The following CNGA3 variants were observed in gnomAD, a reference collection of about 807,000 sequenced individuals.
The protein encoded by CNGA3 is cyclic nucleotide gated channel subunit alpha 3.
Under a neutral mutation model 46.6 loss-of-function variants are expected in CNGA3, and 42 were observed. The ratio of observed to expected loss-of-function variants is 0.90; its 90% CI spans 0.70 to 1.17. The LOEUF (loss-of-function observed/expected upper bound fraction) is 1.17. CNGA3 is among the 50% of genes most tolerant of loss of function. The probability of loss-of-function intolerance (pLI) is 0.00; values close to 1 mark genes in which losing one functional copy is unlikely to be tolerated. For missense variants in CNGA3, 893 were observed against 890.7 expected (o/e 1.00, Z -0.03); for synonymous variants, 394 against 369.4 (o/e 1.07, Z -0.76).
chr2:98,347,486 C>T (rs1691661380), intron 1 of CNGA3, among the ~76,000 whole-genome samples: 2 of 152,218 alleles, frequency 1.3e-5, no homozygotes, highest in Admixed American at 6.5e-5. Context: ...CCTGTGTAAT[C>T]TCCCTACTGA....
Position 98,346,529 on chromosome 2 carries a change from G to A in CNGA3, c.-43G>A, listed in dbSNP as rs886056488. On this transcript the variant is annotated 5_prime_UTR_variant, in exon 1 of 8. Coordinates refer to ENST00000272602, the MANE Select transcript of CNGA3 (RefSeq NM_001298.3). ...CGCGCCGCGGAGAAGCTCAAACTTT[G>A]GCAGGGTAAGGATTTTTAGGGGCTC... 5.0e-6 allele frequency: 2 copies of A among 398,184 alleles called. No individual in the cohort carries two copies. Among genetic ancestry groups the A allele is most frequent in the East Asian group, 3.6e-5 (1 of 28,020 alleles). The allele number at this position is 398,184 out of a possible 1,614,324, so 24.7% of individuals were successfully genotyped here.
chr2:98,357,752 TACAC>T (rs1691918995), intron 1 of CNGA3, among the ~76,000 whole-genome samples: 1 of 152,192 alleles, frequency 6.6e-6, no homozygotes, highest in Non-Finnish European at 1.5e-5. Flanking sequence ...TCCTAGAAAA[TACAC>T]ATTCATTTGG....
In CNGA3 at chr2:98,398,315, C is replaced by T. The variant is rs765593983; in HGVS notation, c.*1060C>T. 2.0e-5 allele frequency: 3 copies of T among 152,168 alleles called. No individual in the cohort carries two copies. The highest frequency in any genetic ancestry group is 4.4e-5 in the Non-Finnish European group (3 of 68,030). The allele number at this position is 152,168 out of a possible 1,614,324, so 9.4% of individuals were successfully genotyped here. On this transcript the variant is annotated 3_prime_UTR_variant, in exon 8 of 8. Coordinates refer to ENST00000272602, the MANE Select transcript of CNGA3 (RefSeq NM_001298.3). ...ACCCCAGTAAATATAATTTCATTAACATTTTATAACAGATTTATATTTTTG... is the reference window on the plus strand; with the variant it reads ...ACCCCAGTAAATATAATTTCATTAATATTTTATAACAGATTTATATTTTTG...
At chr2:98,353,043 G>A (rs1691801045) in intron 1 of CNGA3, among the ~76,000 whole-genome samples, 1 of 152,048 alleles carries the variant, frequency 6.6e-6, no homozygotes, top group Non-Finnish European at 1.5e-5. Context: ...TAACATAAAT[G>A]GCCAATTAAC....
chr2:98,362,227 T>G (rs1298003082), intron 1 of CNGA3, among the ~76,000 whole-genome samples: 1 of 142,666 alleles, frequency 7.0e-6, no homozygotes, highest in Admixed American at 7.3e-5. Flanking sequence ...TTGCCCAGGC[T>G]GGAGTGCAAT....
chr2:98,367,886 A>G (rs559153976), intron 1 of CNGA3, among the ~76,000 whole-genome samples: 2 of 152,358 alleles, frequency 1.3e-5, no homozygotes, highest in East Asian at 3.9e-4. Context: ...TGGTCTAGCC[A>G]GAGTGGCCTG....
At position 98,378,422 on chromosome 2, in the gene CNGA3, C is replaced by T. The variant is rs111694284; in HGVS notation, c.215+622C>T. Among the ~76,000 whole-genome samples the T allele has an allele frequency of 4.2e-3, 643 of 152,304 alleles. 4 individuals carry two copies. The highest frequency in any genetic ancestry group is 0.014 in the African/African-American group (598 of 41,582). On this transcript the variant is annotated intron_variant, in intron 3 of 7. Coordinates refer to ENST00000272602, the MANE Select transcript of CNGA3 (RefSeq NM_001298.3). ...TGAAAGCTGCTTCAGAGCCAAGCAC[C>T]GACTCACGGCAGGTGCTCAACAAAC...
intron 1 of CNGA3, among the ~76,000 whole-genome samples, chr2:98,350,435 T>G (rs1014060595): frequency 1.3e-5 from 2 of 152,246 alleles, no homozygotes; most frequent in African/African-American, 4.8e-5. Flanking sequence ...TTGCCTTCCA[T>G]GCTTGCAATT....
At chr2:98,360,996 TTTTTA>T (rs201142770) in intron 1 of CNGA3, among the ~76,000 whole-genome samples, 8,001 of 150,904 alleles carry the variant, frequency 0.053, 283 homozygotes, top group Non-Finnish European at 0.082. Flanking sequence ...GTTATTTTTA[TTTTTA>T]TTTTATTTTA....
chr2:98,377,643 T>C (rs1366979256), intron 2 of CNGA3, 44 bp from the exon 3 acceptor site: 9 of 1,555,266 alleles, frequency 5.8e-6, no homozygotes, highest in Non-Finnish European at 7.9e-6. Context: ...AGGAGGTAGA[T>C]GGGCTTGAAA....
In CNGA3 at chr2:98,365,179, C is replaced by T. The variant is rs886761929; in HGVS notation, c.-37-4760C>T. Among the ~76,000 whole-genome samples, 3 of 152,226 alleles carry T rather than the reference C, an allele frequency of 2.0e-5. No individual in the cohort carries two copies. In the South Asian group the frequency reaches 6.2e-4, roughly 32 times the overall value. The stretch of plus-strand genomic sequence containing the variant: ...CAGCCTACTGAGGTCCAGTGGCTCG[C>T]TCCTATAATCCCAACACTTTGGGAA... On this transcript the variant is annotated intron_variant, in intron 1 of 7. Transcript: ENST00000272602.
intron 3 of CNGA3, among the ~76,000 whole-genome samples, chr2:98,379,224 A>G (rs1692482947): frequency 6.6e-6 from 1 of 152,254 alleles, no homozygotes; most frequent in African/African-American, 2.4e-5. Context: ...TTCTTAGTCA[A>G]TGTATTGCCT....
intron 7 of CNGA3, 102 bp downstream of exon 7, chr2:98,392,072 A>T: frequency 9.7e-7 from 1 of 1,029,940 alleles, no homozygotes; most frequent in South Asian, 1.3e-5. Context: ...TGACCATGAG[A>T]GGCCAGGCAG....
At position 98,369,979 on chromosome 2, in the gene CNGA3, G is replaced by C. The variant is rs774668101; in HGVS notation, c.4G>C (p.Ala2Pro). M[A>P]KINTQYSHPS... ...CTAAATGTGACAAACCGAGAAGATG[G>C]CCAAGATCAACACCCAATACTCCCA... The change falls in exon 2 of 8, where the codon GCC becomes CCC. Residue 2 changes from alanine (A) to proline (P), a missense_variant. Around this residue, in one of 3 missense-constraint regions of CNGA3, gnomAD observed 333 missense variants for 290.8 expected, o/e 1.15. Coordinates refer to ENST00000272602, the MANE Select transcript of CNGA3 (RefSeq NM_001298.3). The C allele has an allele frequency of 1.9e-6, 3 of 1,612,910 alleles. No individual in the cohort carries two copies. The Admixed American group carries it at 5.0e-5, about 27-fold the overall frequency.
intron 1 of CNGA3, among the ~76,000 whole-genome samples, chr2:98,353,023 G>A (rs1691800127): frequency 6.6e-6 from 1 of 152,206 alleles, no homozygotes; most frequent in South Asian, 2.1e-4. Context: ...TTGACCACAA[G>A]CCTCACCTAT....
intron 1 of CNGA3, among the ~76,000 whole-genome samples, chr2:98,366,864 C>G (rs1224343134): frequency 1.3e-5 from 2 of 152,218 alleles, no homozygotes; most frequent in African/African-American, 4.8e-5. Context: ...GTGCTTGAGA[C>G]CCAAGGCCCT....
At chr2:98,372,972 G>C (rs1485010599) in intron 2 of CNGA3, among the ~76,000 whole-genome samples, 1 of 152,226 alleles carries the variant, frequency 6.6e-6, no homozygotes, top group Non-Finnish European at 1.5e-5. Flanking sequence ...ACACCACTGA[G>C]ATTTCAAAAT....
chr2:98,393,337 T>C (rs1692835411), intron 7 of CNGA3, among the ~76,000 whole-genome samples: 1 of 152,212 alleles, frequency 6.6e-6, no homozygotes, highest in Admixed American at 6.5e-5. Context: ...ACATTTCAAG[T>C]GCGTCTTGCT....
chr2:98,378,098 G>A, intron 3 of CNGA3: 2 of 1,550,928 alleles, frequency 1.3e-6, no homozygotes, highest in Non-Finnish European at 1.7e-6. Context: ...GGAGAAGGTG[G>A]TAAGAGCAGC....
Sources: gnomAD v4.1 joint callset for allele counts (sites outside exome capture counted in the v4.1 genomes callset) on GRCh38, gnomAD v4.1.1 for gene constraint, gnomAD v4.1.1 regional missense constraint, MANE v1.5 for transcripts, NCBI Gene and HGNC (gene_info 2026-07-23, HGNC 2026-07-21) for gene names.